Variants in CAMSAP2 observed in about 807,000 individuals in gnomAD.
The protein encoded by CAMSAP2 is calmodulin-regulated spectrin-associated protein 2.
CAMSAP2 carries 26 observed loss-of-function variants against 146.1 expected under a neutral mutation model. That is an observed-to-expected ratio of 0.18 (90% confidence interval 0.13 to 0.25). The LOEUF is 0.25. Among genes scored for constraint, CAMSAP2 ranks in the 10% least tolerant of loss-of-function variants. The pLI, the probability that CAMSAP2 is intolerant of heterozygous loss-of-function variation, is 1.00. For synonymous variants in CAMSAP2, 499 were observed against 596.6 expected (o/e 0.84, Z 2.38); for missense variants, 1,381 against 1,759.3 (o/e 0.78, Z 3.85).
intron 8 of CAMSAP2, among the ~76,000 whole-genome samples, chr1:200,845,699 A>C (rs1667442972): frequency 6.6e-6 from 1 of 152,150 alleles, no homozygotes; most frequent in South Asian, 2.1e-4. Flanking sequence ...TGCTTCCTGG[A>C]AATTTCTCAA....
chr1:200,834,335 C>T (rs535634318), intron 6 of CAMSAP2, among the ~76,000 whole-genome samples: 14 of 151,958 alleles, frequency 9.2e-5, no homozygotes, highest in African/African-American at 3.4e-4. Flanking sequence ...TGCATTCCAG[C>T]CTGGGTGACA....
chr1:200,811,016 C>T (rs974039599), intron 3 of CAMSAP2, among the ~76,000 whole-genome samples: 4 of 152,200 alleles, frequency 2.6e-5, no homozygotes, highest in East Asian at 1.9e-4. Flanking sequence ...ATTTCGTTAG[C>T]CTGCTCTTCT....
chr1:200,776,216 A>T (rs930194090), intron 2 of CAMSAP2, among the ~76,000 whole-genome samples: 1 of 152,196 alleles, frequency 6.6e-6, no homozygotes, highest in African/African-American at 2.4e-5. Flanking sequence ...TTGTTCTTCC[A>T]TCCAGCCTTC....
At position 200,857,474 on chromosome 1, in the gene CAMSAP2, T is replaced by C; in HGVS notation, c.4131+50T>C. The C allele has an allele frequency of 7.8e-7, 1 of 1,277,424 alleles. No homozygotes were observed. The highest frequency in any genetic ancestry group is 1.1e-6 in the Non-Finnish European group (1 of 875,344). 79.1% of individuals were successfully genotyped at this position (1,277,424 alleles called of 1,614,324 possible). On this transcript the variant is annotated intron_variant, in intron 16 of 16. Coordinates refer to ENST00000358823, the MANE Select transcript of CAMSAP2 (RefSeq NM_203459.4). The surrounding 1 kb of genome is among the most constrained non-coding windows in gnomAD (Gnocchi z 4.7). ...AATTTGGCAAACTGTAGAAGTCTTT[T>C]ATCCATTCAAGAGAATGTACTCTCA... is the stretch of plus-strand genomic sequence containing the variant.
At chr1:200,754,727 C>T (rs1571718549) in intron 1 of CAMSAP2, among the ~76,000 whole-genome samples, 1 of 151,862 alleles carries the variant, frequency 6.6e-6, no homozygotes, top group Admixed American at 6.6e-5. Flanking sequence ...GGACTACAGG[C>T]ACCCGCCACC....
Position 200,848,023 on chromosome 1 carries a change from T to G in CAMSAP2, c.1263-9T>G, listed in dbSNP as rs1667506410. 2 of 1,483,954 alleles carry G rather than the reference T, an allele frequency of 1.3e-6. No homozygotes were observed. Among genetic ancestry groups the G allele is most frequent in the Non-Finnish European group, 1.8e-6 (2 of 1,113,070 alleles). 91.9% of individuals were successfully genotyped at this position (1,483,954 alleles called of 1,614,324 possible). A position where few individuals can be genotyped will look rare whatever the true frequency, so the allele number is the denominator to read the frequency against. On this transcript the variant is annotated splice_polypyrimidine_tract_variant and intron_variant, in intron 10 of 16. Coordinates refer to ENST00000358823, the MANE Select transcript of CAMSAP2 (RefSeq NM_203459.4). ...TTTTAAAGGATTTTTCTCTTTAACT[T>G]TTTTTTAGATCATCAGTGCATGGCG...
intron 1 of CAMSAP2, among the ~76,000 whole-genome samples, chr1:200,743,517 T>C (rs1664234626): frequency 6.6e-6 from 1 of 152,026 alleles, no homozygotes; most frequent in South Asian, 2.1e-4. Context: ...GGGACATTAT[T>C]GCAAGAGTCT....
intron 11 of CAMSAP2, among the ~76,000 whole-genome samples, chr1:200,850,531 A>G (rs926880776): frequency 6.6e-6 from 1 of 152,234 alleles, no homozygotes; most frequent in East Asian, 1.9e-4. Flanking sequence ...TCTTCAGAGA[A>G]TGATTCCATT....
chr1:200,826,847 T>C (rs1203250221), intron 4 of CAMSAP2, among the ~76,000 whole-genome samples: 1 of 152,196 alleles, frequency 6.6e-6, no homozygotes, highest in African/African-American at 2.4e-5. Flanking sequence ...TAAAAAACCC[T>C]TTGTTTCTTG....
intron 8 of CAMSAP2, among the ~76,000 whole-genome samples, chr1:200,845,256 C>CTTTT (rs11375893): frequency 1.3e-5 from 2 of 148,226 alleles, no homozygotes; most frequent in Non-Finnish European, 1.5e-5. Context: ...GTTTTTCCTG[C>CTTTT]TTTTTTTTTT....
rs1308666646 is a variant in CAMSAP2 at position 200,858,175 on chromosome 1, A to T, written c.*116A>T. ...CTTTTATTAATTAAAACTGGACATT[A>T]AGCTCTGTTGTCATGAACAACTGGA... is the stretch of plus-strand genomic sequence containing the variant. On this transcript the variant is annotated 3_prime_UTR_variant, in exon 17 of 17. Coordinates refer to ENST00000358823, the MANE Select transcript of CAMSAP2 (RefSeq NM_203459.4). The T allele has an allele frequency of 1.1e-6, 1 of 904,226 alleles. No individual in the cohort carries two copies. Among genetic ancestry groups the T allele is most frequent in the Non-Finnish European group, 1.7e-6 (1 of 603,192 alleles). 56.0% of individuals were successfully genotyped at this position (904,226 alleles called of 1,614,324 possible). A position where few individuals can be genotyped will look rare whatever the true frequency, so the allele number is the denominator to read the frequency against.
chr1:200,787,409 G>A (rs1488539395), intron 2 of CAMSAP2, among the ~76,000 whole-genome samples: 3 of 152,154 alleles, frequency 2.0e-5, no homozygotes, highest in South Asian at 4.1e-4. Flanking sequence ...TACTTCAGTG[G>A]CAGAAGTATC....
rs774172529 is a variant in CAMSAP2, at chr1:200,854,858, G to A, written c.3865G>A (p.Glu1289Lys). The part of the protein sequence containing the change: ...SLASLNTGDN[E>K]SVHSGKRTPR... ...GGCATCGCTGAACACGGGTGATAACGAGAGTGTACATTCAGGCAAGAGGAC... is the reference window on the plus strand; with the variant it reads ...GGCATCGCTGAACACGGGTGATAACAAGAGTGTACATTCAGGCAAGAGGAC... The change falls in exon 14 of 17, where the codon GAG (glutamate) becomes AAG (lysine). Residue 1289 changes from glutamate to lysine, a missense_variant. Physicochemically the swap from Glu to Lys is moderately conservative, Grantham distance 56. This residue lies in a region of CAMSAP2 where 560 missense variants were observed against 715.9 expected (regional missense o/e 0.78). Transcript: ENST00000358823. 5 of 1,611,980 alleles carry A rather than the reference G, an allele frequency of 3.1e-6. No individual in the cohort carries two copies. Among genetic ancestry groups the A allele is most frequent in the East Asian group, 2.2e-5 (1 of 44,794 alleles).
intron 2 of CAMSAP2, among the ~76,000 whole-genome samples, chr1:200,769,562 C>T (rs990430509): frequency 3.3e-5 from 5 of 152,142 alleles, no homozygotes; most frequent in African/African-American, 9.7e-5. Flanking sequence ...TCTCACTGAC[C>T]GGCTTCAAGT....
At chr1:200,779,406 T>G (rs1429200375) in intron 2 of CAMSAP2, among the ~76,000 whole-genome samples, 1 of 152,044 alleles carries the variant, frequency 6.6e-6, no homozygotes, top group Non-Finnish European at 1.5e-5. Context: ...GTGGGGGAAA[T>G]GGCCATGGTA....
chr1:200,786,550 A>T (rs1376360925), intron 2 of CAMSAP2, among the ~76,000 whole-genome samples: 1 of 151,494 alleles, frequency 6.6e-6, no homozygotes, highest in African/African-American at 2.4e-5. Flanking sequence ...TGCCCAGCTA[A>T]TGTTTGTATT....
At chr1:200,838,183 T>C (rs1289711415) in intron 6 of CAMSAP2, among the ~76,000 whole-genome samples, 1 of 152,170 alleles carries the variant, frequency 6.6e-6, no homozygotes, top group Non-Finnish European at 1.5e-5. Flanking sequence ...AATAGTACAA[T>C]TAATGTTATT....
chr1:200,750,692 T>A (rs955023650), intron 1 of CAMSAP2, among the ~76,000 whole-genome samples: 1 of 151,112 alleles, frequency 6.6e-6, no homozygotes, highest in Non-Finnish European at 1.5e-5. Flanking sequence ...TGGCGCAATC[T>A]CAGCTCACTG....
At chr1:200,855,266 C>T (rs1249231415) in intron 14 of CAMSAP2, among the ~76,000 whole-genome samples, 1 of 152,194 alleles carries the variant, frequency 6.6e-6, no homozygotes, top group Non-Finnish European at 1.5e-5. Flanking sequence ...AAGGAGTTTT[C>T]CCCATTAGAA....
Sources: allele counts gnomAD v4.1 joint callset (sites outside exome capture counted in the v4.1 genomes callset), GRCh38; gene constraint gnomAD v4.1.1; regional missense constraint gnomAD v4.1.1; non-coding constraint Gnocchi (gnomAD v3.1); transcripts MANE v1.5; gene names NCBI Gene and HGNC (gene_info 2026-07-23, HGNC 2026-07-21).